The following GULP1 variants were observed in gnomAD, a reference collection of about 807,000 sequenced individuals.
The protein encoded by GULP1 is PTB domain-containing engulfment adapter protein 1.
A neutral mutation model predicts 40.9 loss-of-function variants in GULP1; 19 were observed. The ratio of observed to expected loss-of-function variants is 0.46; its 90% CI spans 0.32 to 0.68. The LOEUF is 0.68. GULP1 is among the 30% of genes least tolerant of loss of function. The pLI, the probability that GULP1 is intolerant of heterozygous loss-of-function variation, is 0.03. For missense variants in GULP1, 312 were observed against 362.2 expected (o/e 0.86, Z 1.12); for synonymous variants, 119 against 117.6 (o/e 1.01, Z -0.08).
At position 188,371,663 on chromosome 2, in the gene GULP1, G is replaced by A. The variant is rs146425030; in HGVS notation, c.-171-12100G>A. On this transcript the variant is annotated intron_variant, in intron 1 of 11. Coordinates refer to ENST00000409830, the MANE Select transcript of GULP1 (RefSeq NM_016315.4). ...TCATGATCAGAAGCTTACCTAATTA[G>A]TATAGATTACTATTTAGAAATTAAT... Among the ~76,000 whole-genome samples, 396 of 152,126 alleles carry A rather than the reference G, an allele frequency of 2.6e-3. 1 individual carries two copies. Among genetic ancestry groups the A allele is most frequent in the African/African-American group, 9.0e-3 (375 of 41,538 alleles).
intron 4 of GULP1, among the ~76,000 whole-genome samples, chr2:188,520,192 C>G (rs1403413943): frequency 6.6e-6 from 1 of 152,078 alleles, no homozygotes; most frequent in Non-Finnish European, 1.5e-5. Context: ...AAAGCCTGTT[C>G]ATATCTTATC....
intron 1 of GULP1, among the ~76,000 whole-genome samples, chr2:188,314,656 A>T (rs1003479393): frequency 1.1e-4 from 16 of 152,178 alleles, no homozygotes; most frequent in African/African-American, 3.4e-4. Context: ...CAGCCCCACT[A>T]CACTTTCTTT....
intron 4 of GULP1, 73 bp from the exon 5 acceptor site, chr2:188,522,683 A>T: frequency 1.2e-6 from 1 of 855,602 alleles, no homozygotes; most frequent in East Asian, 2.5e-5. Context: ...CTATTATGCA[A>T]TCTTATATTT....
chr2:188,589,852 C>T (rs1030063760), intron 11 of GULP1: 3 of 539,398 alleles, frequency 5.6e-6, no homozygotes, highest in Non-Finnish European at 9.7e-6. Flanking sequence ...CAAACAACAG[C>T]TTCATATGGG....
chr2:188,501,336 G>A (rs771433172), intron 4 of GULP1, among the ~76,000 whole-genome samples: 1 of 151,770 alleles, frequency 6.6e-6, no homozygotes, highest in Non-Finnish European at 1.5e-5. Context: ...TGTAAGACTT[G>A]CCTGGCCCCA....
At chr2:188,352,618 TCACACA>T (rs66499080) in intron 1 of GULP1, among the ~76,000 whole-genome samples, 1,391 of 134,498 alleles carry the variant, frequency 0.01, 12 homozygotes, top group Admixed American at 0.02. Flanking sequence ...TCTCTCTCTC[TCACACA>T]CACACACACA....
chr2:188,323,595 G>C (rs760952793), intron 1 of GULP1, among the ~76,000 whole-genome samples: 1 of 151,780 alleles, frequency 6.6e-6, no homozygotes, highest in Non-Finnish European at 1.5e-5. Context: ...TGCAGTTAAG[G>C]AGTTTGTGAG....
chr2:188,514,066 T>C (rs2064912191), intron 4 of GULP1, among the ~76,000 whole-genome samples: 1 of 150,970 alleles, frequency 6.6e-6, no homozygotes, highest in African/African-American at 2.4e-5. Flanking sequence ...TGTGTGTGTG[T>C]GTGTGTGTGT....
chr2:188,433,245 C>T (rs767798858), intron 2 of GULP1, among the ~76,000 whole-genome samples: 2 of 152,018 alleles, frequency 1.3e-5, no homozygotes, highest in African/African-American at 4.8e-5. Flanking sequence ...GGGGGTCATT[C>T]TCTTTGTCTT....
intron 6 of GULP1, among the ~76,000 whole-genome samples, chr2:188,529,863 C>T (rs749940068): frequency 9.9e-5 from 15 of 152,114 alleles, no homozygotes; most frequent in Non-Finnish European, 2.1e-4. Context: ...GGCCTTATCT[C>T]CTGTTTGAAG....
At chr2:188,396,467 T>C (rs920269048) in intron 2 of GULP1, among the ~76,000 whole-genome samples, 11 of 152,194 alleles carry the variant, frequency 7.2e-5, no homozygotes, top group African/African-American at 2.7e-4. Flanking sequence ...GGCAGTATGT[T>C]CCACTCAGCT....
chr2:188,304,995 A>G (rs1452016923), intron 1 of GULP1, among the ~76,000 whole-genome samples: 3 of 151,948 alleles, frequency 2.0e-5, no homozygotes, highest in Non-Finnish European at 2.9e-5. Flanking sequence ...GTCAGATCTC[A>G]CAGGTTGAGG....
At chr2:188,377,128 C>T (rs1315748561) in intron 1 of GULP1, among the ~76,000 whole-genome samples, 4 of 151,364 alleles carry the variant, frequency 2.6e-5, no homozygotes, top group Admixed American at 2.6e-4. Context: ...GCCGAGATTG[C>T]ACCACTGCAC....
At chr2:188,323,209 A>C (rs1242492432) in intron 1 of GULP1, among the ~76,000 whole-genome samples, 1 of 152,012 alleles carries the variant, frequency 6.6e-6, no homozygotes, top group African/African-American at 2.4e-5. Flanking sequence ...GACAGAGTGA[A>C]TATCTCCTCT....
At chr2:188,357,174 A>G (rs2045443261) in intron 1 of GULP1, among the ~76,000 whole-genome samples, 1 of 152,170 alleles carries the variant, frequency 6.6e-6, no homozygotes, top group Non-Finnish European at 1.5e-5. Flanking sequence ...ATGACCTCAA[A>G]AGCACAGGCA....
At chr2:188,571,009 T>C (rs930577522) in intron 9 of GULP1, among the ~76,000 whole-genome samples, 3 of 151,954 alleles carry the variant, frequency 2.0e-5, no homozygotes, top group African/African-American at 4.8e-5. Context: ...ATACAAAAAA[T>C]TATCCAGGCA....
intron 1 of GULP1, among the ~76,000 whole-genome samples, chr2:188,295,157 G>C (rs1253166386): frequency 6.6e-6 from 1 of 152,100 alleles, no homozygotes; most frequent in Non-Finnish European, 1.5e-5. Flanking sequence ...TTTATGAGAA[G>C]TTACCAAGTA....
At chr2:188,486,408 C>G (rs575029719) in intron 4 of GULP1, among the ~76,000 whole-genome samples, 1 of 151,888 alleles carries the variant, frequency 6.6e-6, no homozygotes, top group East Asian at 1.9e-4. Context: ...CTCATCATAC[C>G]ATTAAAAGAT....
In GULP1 at chr2:188,557,158, T is replaced by C. The variant is rs563367798; in HGVS notation, c.400-12081T>C. ...GATCCAAAACATATCTTTCTGCCTCTGGTCCCCCAAATCTCATATCCTTTT... is the reference window on the plus strand; with the variant it reads ...GATCCAAAACATATCTTTCTGCCTCCGGTCCCCCAAATCTCATATCCTTTT... On this transcript the variant is annotated intron_variant, in intron 7 of 11. Coordinates refer to ENST00000409830, the MANE Select transcript of GULP1 (RefSeq NM_016315.4). Among the ~76,000 whole-genome samples the C allele has an allele frequency of 1.2e-4, 19 of 152,340 alleles. No individual in the cohort carries two copies. The South Asian group carries it at 3.9e-3, about 32-fold the overall frequency.
Sources: allele counts gnomAD v4.1 joint callset (sites outside exome capture counted in the v4.1 genomes callset), GRCh38; gene constraint gnomAD v4.1.1; transcripts MANE v1.5; gene names NCBI Gene and HGNC (gene_info 2026-07-23, HGNC 2026-07-21).